The following ADAMTSL1 variants were observed in gnomAD, a reference collection of about 807,000 sequenced individuals.
ADAMTSL1 encodes the protein ADAMTS-like protein 1.
Under a neutral mutation model 201.8 loss-of-function variants are expected in ADAMTSL1, and 126 were observed. The observed-to-expected ratio is 0.62, with a 90% CI of 0.54 to 0.72. The LOEUF is 0.72. ADAMTSL1 is among the 30% of genes least tolerant of loss of function. The pLI, the probability that ADAMTSL1 is intolerant of heterozygous loss-of-function variation, is 0.00. For synonymous variants in ADAMTSL1, 1,121 were observed against 903.4 expected (o/e 1.24, Z -4.32); for missense variants, 2,679 against 2,277.8 (o/e 1.18, Z -3.59).
intron 1 of ADAMTSL1, among the ~76,000 whole-genome samples, chr9:17,940,813 A>C (rs865781554): frequency 0.03 from 2,037 of 68,218 alleles, 278 homozygotes; most frequent in African/African-American, 0.088. Flanking sequence ...CCCCCCCCCC[A>C]AAAAAAAGAA....
intron 2 of ADAMTSL1, among the ~76,000 whole-genome samples, chr9:18,427,180 AG>A (rs1171961685): frequency 6.6e-6 from 1 of 152,222 alleles, no homozygotes. Flanking sequence ...TCTAACTAAA[AG>A]TTACTGCACA....
At chr9:18,807,817 C>G (rs1001408214) in intron 20 of ADAMTSL1, among the ~76,000 whole-genome samples, 3 of 152,164 alleles carry the variant, frequency 2.0e-5, no homozygotes, top group African/African-American at 7.2e-5. Flanking sequence ...TATCTTAACA[C>G]AAATGTATAA....
At chr9:18,200,189 T>A (rs776712491) in intron 2 of ADAMTSL1, among the ~76,000 whole-genome samples, 3 of 151,986 alleles carry the variant, frequency 2.0e-5, no homozygotes, top group Non-Finnish European at 4.4e-5. Context: ...ATCCCAGCAT[T>A]TCGGGAGGCT....
intron 2 of ADAMTSL1, among the ~76,000 whole-genome samples, chr9:18,355,302 G>A (rs1563908412): frequency 6.6e-6 from 1 of 152,074 alleles, no homozygotes; most frequent in East Asian, 1.9e-4. Context: ...GTAATATAAA[G>A]TATATATATT....
intron 1 of ADAMTSL1, among the ~76,000 whole-genome samples, chr9:18,062,279 G>T (rs1174366771): frequency 2.0e-5 from 3 of 152,160 alleles, no homozygotes; most frequent in South Asian, 2.1e-4. Flanking sequence ...CTCATTTTAT[G>T]CAGATCTTTT....
intron 23 of ADAMTSL1, among the ~76,000 whole-genome samples, chr9:18,846,306 G>A (rs1826105070): frequency 6.6e-6 from 1 of 152,204 alleles, no homozygotes; most frequent in Admixed American, 6.5e-5. Context: ...GGCTTTTCAG[G>A]TCTCAGCTTG....
chr9:17,960,942 T>C (rs548022355), intron 1 of ADAMTSL1, among the ~76,000 whole-genome samples: 28 of 152,312 alleles, frequency 1.8e-4, no homozygotes, highest in African/African-American at 6.5e-4. Context: ...TCTGGTTCAG[T>C]TGTAGAATCT....
chr9:18,016,125 AAGAG>A (rs1820250517), intron 1 of ADAMTSL1, among the ~76,000 whole-genome samples: 1 of 152,038 alleles, frequency 6.6e-6, no homozygotes, highest in Admixed American at 6.6e-5. Flanking sequence ...GGGTAAACAT[AAGAG>A]AGAGAGTCAG....
intron 3 of ADAMTSL1, among the ~76,000 whole-genome samples, chr9:18,547,924 A>G (rs1167769618): frequency 1.3e-5 from 2 of 152,022 alleles, no homozygotes; most frequent in Non-Finnish European, 2.9e-5. Context: ...AAGGAAAACA[A>G]ACAGCTTTTC....
Position 18,514,453 on chromosome 9 carries a change from C to T in ADAMTSL1, c.191+9497C>T, listed in dbSNP as rs867260808. On this transcript the variant is annotated intron_variant, in intron 2 of 28. Transcript: ENST00000380548. The stretch of plus-strand genomic sequence containing the variant: ...CACGCCATTCTCCTGCCTCAGCCTC[C>T]CGAGTAGCTGGGACTACAGGCACCC... Among the ~76,000 whole-genome samples, 38 of 151,790 alleles carry T rather than the reference C, an allele frequency of 2.5e-4. No individual in the cohort carries two copies. The Middle Eastern group carries it at 0.014, about 54-fold the overall frequency.
rs527414527 is a variant in ADAMTSL1, at chr9:18,026,698, A to T, written c.87+119776A>T. 5.3e-5 allele frequency among the ~76,000 whole-genome samples: 8 copies of T among 152,130 alleles called. 1 individual carries two copies. The South Asian group carries it at 1.7e-3, about 32-fold the overall frequency. ...CGTTGTGTCTTTGACACATTTTGGT[A>T]TCAGGACAATGCTGGCTTTGTAGAA... On this transcript the variant is annotated intron_variant, in intron 1 of 29. Coordinates refer to the ADAMTSL1 transcript ENST00000680146.
At chr9:18,009,422 G>GT (rs768226787) in intron 1 of ADAMTSL1, among the ~76,000 whole-genome samples, 3 of 152,008 alleles carry the variant, frequency 2.0e-5, no homozygotes, top group Non-Finnish European at 4.4e-5. Flanking sequence ...ACAGCACAGT[G>GT]TAAGTCTCCT....
chr9:18,118,537 G>A (rs1186983283), intron 1 of ADAMTSL1, among the ~76,000 whole-genome samples: 1 of 152,144 alleles, frequency 6.6e-6, no homozygotes, highest in Non-Finnish European at 1.5e-5. Context: ...ACAGAAGTGG[G>A]CCAACCAGCT....
chr9:18,396,515 T>C (rs991706710), intron 2 of ADAMTSL1, among the ~76,000 whole-genome samples: 3 of 148,136 alleles, frequency 2.0e-5, no homozygotes, highest in Non-Finnish European at 3.0e-5. Context: ...TGAAATTATA[T>C]ATTAATTATA....
chr9:18,824,062 G>C (rs1824383978), intron 21 of ADAMTSL1, among the ~76,000 whole-genome samples: 1 of 150,826 alleles, frequency 6.6e-6, no homozygotes, highest in South Asian at 2.1e-4. Flanking sequence ...GGAAGGAAGG[G>C]GAAGGAAAAG....
chr9:18,399,488 C>T (rs541799276), intron 2 of ADAMTSL1, among the ~76,000 whole-genome samples: 13 of 145,376 alleles, frequency 8.9e-5, no homozygotes, highest in African/African-American at 3.1e-4. Context: ...ATTACAGACG[C>T]GTGTCACCAT....
chr9:18,037,696 A>T (rs150492889), intron 1 of ADAMTSL1, among the ~76,000 whole-genome samples: 1 of 152,196 alleles, frequency 6.6e-6, no homozygotes, highest in African/African-American at 2.4e-5. Context: ...CCTGATGCAT[A>T]TAATAAAGTT....
At chr9:17,908,934 C>G (rs1373915483) in intron 1 of ADAMTSL1, among the ~76,000 whole-genome samples, 2 of 151,730 alleles carry the variant, frequency 1.3e-5, no homozygotes, top group Non-Finnish European at 2.9e-5. Context: ...TACAGTCCCA[C>G]CAACAGTGTA....
At chr9:18,832,680 A>C (rs1825064080) in intron 23 of ADAMTSL1, among the ~76,000 whole-genome samples, 1 of 152,206 alleles carries the variant, frequency 6.6e-6, no homozygotes, top group African/African-American at 2.4e-5. Context: ...TTTTTCACTC[A>C]GCTCAGGCAC....
Sources: gnomAD v4.1 joint callset for allele counts (sites outside exome capture counted in the v4.1 genomes callset) on GRCh38, gnomAD v4.1.1 for gene constraint, MANE v1.5 for transcripts, NCBI Gene and HGNC (gene_info 2026-07-23, HGNC 2026-07-21) for gene names.